IL5RA: variants seen among roughly 807,000 people sequenced by gnomAD.
IL5RA encodes the protein interleukin-5 receptor subunit alpha.
A neutral mutation model predicts 50.0 loss-of-function variants in IL5RA; 49 were observed. The ratio of observed to expected loss-of-function variants is 0.98; its 90% CI spans 0.78 to 1.24. IL5RA has a LOEUF of 1.24. Among genes scored for constraint, IL5RA ranks in the 50% most tolerant of loss-of-function variants. The pLI is 0.00. For synonymous variants in IL5RA, 202 were observed against 174.0 expected, an observed-to-expected ratio of 1.16 and a Z score of -1.26; for missense variants, 600 against 500.4, an observed-to-expected ratio of 1.20 and a Z score of -1.90.
intron 11 of IL5RA, chr3:3,073,878 A>C (rs1263231751): frequency 2.3e-6 from 1 of 427,020 alleles, no homozygotes; most frequent in Non-Finnish European, 4.6e-6. Context: ...GGCCTTCCAC[A>C]AATGGTCTCG....
At chr3:3,070,575 CTTTTTTTTT>C (rs71058670) in intron 11 of IL5RA, among the ~76,000 whole-genome samples, 1 of 84,900 alleles carries the variant, frequency 1.2e-5, no homozygotes, top group Non-Finnish European at 2.1e-5. Flanking sequence ...GGATACACAT[CTTTTTTTTT>C]TTTTTTTTTT....
At chr3:3,093,366 A>C (rs187170659) in intron 8 of IL5RA, among the ~76,000 whole-genome samples, 1 of 152,342 alleles carries the variant, frequency 6.6e-6, no homozygotes, top group Non-Finnish European at 1.5e-5. Flanking sequence ...AATACAGATA[A>C]AATTATGACT....
chr3:3,070,713 G>T (rs1033040287), intron 11 of IL5RA, among the ~76,000 whole-genome samples: 2 of 149,846 alleles, frequency 1.3e-5, no homozygotes, highest in African/African-American at 2.5e-5. Flanking sequence ...CTCCCAAGTA[G>T]CTGGGACTAC....
At chr3:3,074,713 C>A (rs1312397948) in intron 11 of IL5RA, 69 bp downstream of exon 11, 2 of 875,620 alleles carry the variant, frequency 2.3e-6, no homozygotes, top group Non-Finnish European at 3.7e-6. Flanking sequence ...AAACTAAGAA[C>A]CGAATGACAG....
rs185407725 is a variant in IL5RA, at chr3:3,089,823, A to G, written c.994+2401T>C. On this transcript the variant is annotated intron_variant, in intron 9 of 11. Transcript: ENST00000446632. ...ATTTTTAGTAGAGACAAGTTTCACC[A>G]TGTTAGCCAGGATGGTGTCGATCTC... The G allele has an allele frequency of 1.1e-3, 178 of 161,376 alleles. 2 individuals carry two copies. Among genetic ancestry groups the G allele is most frequent in the Admixed American group, 9.2e-3 (151 of 16,354 alleles). 10.0% of individuals were successfully genotyped at this position (161,376 alleles called of 1,614,324 possible).
intron 9 of IL5RA, among the ~76,000 whole-genome samples, chr3:3,086,569 C>T (rs1189599973): frequency 1.3e-5 from 2 of 151,932 alleles, no homozygotes; most frequent in Non-Finnish European, 2.9e-5. Flanking sequence ...AAATCCCAGC[C>T]CAGCTATAGT....
At position 3,095,352 on chromosome 3, in the gene IL5RA, G is replaced by C. The variant is rs1241686934; in HGVS notation, c.802C>G (p.His268Asp). 3 of 1,608,730 alleles carry C rather than the reference G, an allele frequency of 1.9e-6. No individual in the cohort carries two copies. Among genetic ancestry groups the C allele is most frequent in the African/African-American group, 2.7e-5 (2 of 74,846 alleles). The change falls in exon 8 of 12, where the codon CAT (histidine) becomes GAT (aspartate). Residue 268 changes from histidine (H) to aspartate (D), a missense_variant. Transcript: ENST00000446632. Reference protein sequence around the residue: ...WEKPVSAFPIHCFDYEVKIHN... With the variant: ...WEKPVSAFPIDCFDYEVKIHN... The stretch of plus-strand genomic sequence containing the variant: ...ATTTTTACTTCATAATCAAAGCAAT[G>C]GATTGGAAAAGCAGACACTGGTTTC...
chr3:3,107,672 A>G (rs1254789671), intron 2 of IL5RA, among the ~76,000 whole-genome samples: 11 of 152,214 alleles, frequency 7.2e-5, no homozygotes, highest in Admixed American at 5.9e-4. Context: ...TTTAAGAGAA[A>G]TCATGATCTC....
At position 3,101,823 on chromosome 3, in the gene IL5RA, G is replaced by A. The variant is rs1703667084; in HGVS notation, c.236C>T (p.Thr79Ile). ...TACACATTTGCTTTCAGTGATTCTG[G>A]TTTCATACTAAAAATAAAACCCACA... Reference protein sequence around the residue: ...INAPKEDDYETRITESKCVTI... With the variant: ...INAPKEDDYEIRITESKCVTI... The change falls in exon 5 of 12, where the codon ACC (threonine) becomes ATC (isoleucine). Residue 79 changes from threonine to isoleucine, a missense_variant. Transcript: ENST00000446632. 1 of 1,612,924 alleles carries A rather than the reference G, an allele frequency of 6.2e-7. No individual in the cohort carries two copies. Among genetic ancestry groups the A allele is most frequent in the African/African-American group, 1.3e-5 (1 of 74,826 alleles).
intron 9 of IL5RA, among the ~76,000 whole-genome samples, chr3:3,087,620 T>G (rs1702922792): frequency 1.1e-5 from 1 of 94,954 alleles, no homozygotes; most frequent in Non-Finnish European, 2.1e-5. Context: ...ACCTCCATTT[T>G]CTTACATTAA....
At chr3:3,088,586 G>C (rs1008432055) in intron 9 of IL5RA, among the ~76,000 whole-genome samples, 5 of 152,184 alleles carry the variant, frequency 3.3e-5, no homozygotes, top group Non-Finnish European at 7.3e-5. Context: ...TAGATGTCCT[G>C]AATATCTAGT....
chr3:3,075,224 T>TTTTG (rs1702436358), intron 10 of IL5RA, among the ~76,000 whole-genome samples: 1 of 148,528 alleles, frequency 6.7e-6, no homozygotes, highest in African/African-American at 2.5e-5. Flanking sequence ...TTTTTTTTTT[T>TTTTG]TTTGGTCTTG....
At position 3,110,027 on chromosome 3, in the gene IL5RA, A is replaced by T. The variant is rs907476342; in HGVS notation, c.-228T>A. 9.9e-5 allele frequency: 15 copies of T among 152,220 alleles called. No homozygotes were observed. The highest frequency in any genetic ancestry group is 3.6e-4 in the African/African-American group (15 of 41,452). The allele number at this position is 152,220 out of a possible 1,614,324, so 9.4% of individuals were successfully genotyped here. On this transcript the variant is annotated 5_prime_UTR_variant, in exon 1 of 12. Transcript: ENST00000446632. ...TATCTCTGGGTGCACTTTTTAACTTAGAGGCGGTTCTTCACTCTTTCATCA... is the reference window on the plus strand; with the variant it reads ...TATCTCTGGGTGCACTTTTTAACTTTGAGGCGGTTCTTCACTCTTTCATCA...
intron 5 of IL5RA, among the ~76,000 whole-genome samples, chr3:3,100,810 A>G (rs555457461): frequency 5.8e-4 from 88 of 152,212 alleles, no homozygotes; most frequent in Middle Eastern, 3.4e-3. Flanking sequence ...ACTTGGGATC[A>G]AGCCCATGCA....
intron 9 of IL5RA, among the ~76,000 whole-genome samples, chr3:3,079,801 C>T (rs1050847235): frequency 5.9e-5 from 9 of 152,042 alleles, no homozygotes; most frequent in Non-Finnish European, 1.3e-4. Context: ...TTTGGGAGGC[C>T]CACAGGCAGA....
intron 7 of IL5RA, among the ~76,000 whole-genome samples, chr3:3,096,360 C>T (rs953296543): frequency 8.6e-4 from 130 of 151,360 alleles, no homozygotes; most frequent in Non-Finnish European, 3.2e-4. Context: ...TGTCCTTTCC[C>T]TTGAGATCTC....
rs1344807660 is a variant in IL5RA at position 3,069,430 on chromosome 3, G to T, written c.*795C>A. 6.6e-6 allele frequency: 1 copy of T among 152,142 alleles called. No homozygotes were observed. Among genetic ancestry groups the T allele is most frequent in the Non-Finnish European group, 1.5e-5 (1 of 68,026 alleles). The allele number at this position is 152,142 out of a possible 1,614,324, so 9.4% of individuals were successfully genotyped here. ...TCAGAAAGTTCATTCTTGATTCAGT[G>T]GTCCCTTTCATGATTGAATTATGCT... is the stretch of plus-strand genomic sequence containing the variant. On this transcript the variant is annotated 3_prime_UTR_variant, in exon 12 of 12. Coordinates refer to ENST00000446632, the MANE Select transcript of IL5RA (RefSeq NM_175726.4).
chr3:3,072,015 T>A (rs964090798), intron 11 of IL5RA, among the ~76,000 whole-genome samples: 1 of 152,204 alleles, frequency 6.6e-6, no homozygotes, highest in African/African-American at 2.4e-5. Context: ...CACATTACCA[T>A]GAAAAGCAGA....
At chr3:3,093,327 A>T (rs542980971) in intron 8 of IL5RA, among the ~76,000 whole-genome samples, 1 of 152,220 alleles carries the variant, frequency 6.6e-6, no homozygotes, top group African/African-American at 2.4e-5. Flanking sequence ...CAAGTCAGGA[A>T]CTATTTATTA....
Sources: allele counts gnomAD v4.1 joint callset (sites outside exome capture counted in the v4.1 genomes callset), GRCh38; gene constraint gnomAD v4.1.1; transcripts MANE v1.5; gene names NCBI Gene and HGNC (gene_info 2026-07-23, HGNC 2026-07-21).